Variants in GALC observed in about 807,000 individuals in gnomAD.
The protein encoded by GALC is galactosylceramidase, also known as galactocerebrosidase.
A neutral mutation model predicts 91.8 loss-of-function variants in GALC; 77 were observed. That is an observed-to-expected ratio of 0.84 (90% CI 0.70 to 1.01). The LOEUF is 1.01. Among genes scored for constraint, GALC ranks in the 50% least tolerant of loss-of-function variants. The pLI is 0.00. For synonymous variants in GALC, 357 were observed against 306.7 expected (o/e 1.16, Z -1.71); for missense variants, 882 against 855.9 (o/e 1.03, Z -0.38).
At chr14:87,993,360 T>C, upstream of GALC, 1 of 1,535,574 alleles carries the variant, frequency 6.5e-7, no homozygotes, top group Non-Finnish European at 8.7e-7. Context: ...TGTGGTCAGC[T>C]ACTGGATTTC....
Position 87,934,024 on chromosome 14 carries a change from A to G in GALC, c.*708T>C. 1 of 1,534,352 alleles carries G rather than the reference A, an allele frequency of 6.5e-7. No homozygotes were observed. The highest frequency in any genetic ancestry group is 1.2e-5 in the South Asian group (1 of 84,006). On this transcript the variant is annotated 3_prime_UTR_variant, in exon 17 of 17. Transcript: ENST00000261304. Reference sequence around the variant, plus strand: ...CCTGGAAAAACGTTCACAGAGAGTTATAGTGGTTACAAGACCAAAACTTGG... The same window carrying G: ...CCTGGAAAAACGTTCACAGAGAGTTGTAGTGGTTACAAGACCAAAACTTGG...
chr14:87,982,179 CA>C, intron 6 of GALC, 25 bp downstream of exon 6: 1 of 1,342,910 alleles, frequency 7.4e-7, no homozygotes, highest in South Asian at 1.2e-5. Context: ...AAGTTAAAAA[CA>C]AAAAGATACT....
At chr14:87,956,507 CATG>C (rs982811618) in intron 10 of GALC, among the ~76,000 whole-genome samples, 10 of 148,504 alleles carry the variant, frequency 6.7e-5, no homozygotes, top group East Asian at 1.9e-4. Context: ...AAGAGTATTT[CATG>C]ATGTGTGTGT....
chr14:87,958,743 A>G (rs1885669612), intron 10 of GALC, among the ~76,000 whole-genome samples: 1 of 151,942 alleles, frequency 6.6e-6, no homozygotes, highest in Non-Finnish European at 1.5e-5. Flanking sequence ...ACACGCTAGG[A>G]AAAAGGACAG....
intron 16 of GALC, among the ~76,000 whole-genome samples, chr14:87,936,252 C>G (rs79645689): frequency 6.6e-6 from 1 of 151,964 alleles, no homozygotes; most frequent in Non-Finnish European, 1.5e-5. Flanking sequence ...ATCAGGGTAA[C>G]AGAGCTACTT....
chr14:87,952,407 T>C (rs924431269), intron 10 of GALC: 5 of 412,958 alleles, frequency 1.2e-5, no homozygotes, highest in South Asian at 2.7e-5. Context: ...AGACTAATGT[T>C]GTTCTAAAAA....
chr14:87,956,685 A>T (rs559711597), intron 10 of GALC, among the ~76,000 whole-genome samples: 9 of 151,578 alleles, frequency 5.9e-5, no homozygotes, highest in Non-Finnish European at 1.0e-4. Flanking sequence ...ACTTAGGTTG[A>T]TTCCATATGT....
chr14:87,969,218 A>AT (rs1204190415), intron 7 of GALC, among the ~76,000 whole-genome samples: 3 of 152,164 alleles, frequency 2.0e-5, no homozygotes, highest in African/African-American at 7.2e-5. Context: ...GGGGTCAGGG[A>AT]TATTTGCTAC....
intron 5 of GALC, among the ~76,000 whole-genome samples, chr14:87,983,190 A>G (rs939008082): frequency 6.6e-6 from 1 of 151,978 alleles, no homozygotes; most frequent in African/African-American, 2.4e-5. Context: ...AGAAAAAAAA[A>G]CTAGCTGGGT....
chr14:87,953,208 T>C (rs1885383415), intron 10 of GALC: 1 of 1,501,536 alleles, frequency 6.7e-7, no homozygotes. Context: ...TGTCAACTGA[T>C]ACGGAATTTC....
At chr14:87,986,636 T>C (rs773400961) in intron 3 of GALC, 34 bp from the exon 4 acceptor site, 1 of 1,341,472 alleles carries the variant, frequency 7.5e-7, no homozygotes, top group South Asian at 1.2e-5. Context: ...GAAGTAATGA[T>C]CCATGAATGG....
intron 1 of GALC, chr14:87,992,388 G>A: frequency 2.0e-6 from 3 of 1,535,670 alleles, no homozygotes; most frequent in Non-Finnish European, 1.7e-6. Flanking sequence ...CTTTTAAAGA[G>A]ACCTTGAGGC....
At chr14:87,980,919 A>G (rs761669641) in intron 6 of GALC, among the ~76,000 whole-genome samples, 2 of 152,252 alleles carry the variant, frequency 1.3e-5, no homozygotes, top group African/African-American at 2.4e-5. Context: ...TTAAGAACAT[A>G]AAACATCCAA....
chr14:87,961,638 T>C (rs1885809383), intron 10 of GALC, among the ~76,000 whole-genome samples: 1 of 152,148 alleles, frequency 6.6e-6, no homozygotes, highest in Non-Finnish European at 1.5e-5. Context: ...CCTTCTCCTT[T>C]CTCCTCTGAA....
chr14:87,989,186 A>G (rs186411583), intron 1 of GALC, among the ~76,000 whole-genome samples: 3 of 152,330 alleles, frequency 2.0e-5, no homozygotes, highest in East Asian at 3.9e-4. Context: ...TAAGCAAAAA[A>G]TAAATAAAAA....
chr14:87,976,512 T>C (rs777298034), intron 6 of GALC, 24 bp from the exon 7 acceptor site: 3 of 1,587,116 alleles, frequency 1.9e-6, no homozygotes, highest in African/African-American at 2.7e-5. Flanking sequence ...AAACAGAACA[T>C]ATGAAAGGAT....
intron 3 of GALC, among the ~76,000 whole-genome samples, chr14:87,987,349 G>GA (rs1343148920): frequency 6.6e-6 from 1 of 152,234 alleles, no homozygotes; most frequent in Non-Finnish European, 1.5e-5. Context: ...TTCAGCAAGT[G>GA]AAATTAGTCC....
rs1162671660 is a variant in GALC, at chr14:87,934,877, C to A, written c.1913G>T (p.Gly638Val). Residue 638 changes from glycine (G) to valine (V), a missense_variant and splice_region_variant, in exon 17 of 17, where the codon GGT (glycine) becomes GTT (valine). Coordinates refer to ENST00000261304, the MANE Select transcript of GALC (RefSeq NM_000153.4). ...ATTCAGCATGCCAGAGGTGAAATGA[C>A]CCTAGAGTAGAAAGAAACACATTCC... ...KWYTLTLTIK[G>V]HFTSGMLNDK... 2 of 1,602,702 alleles carry A rather than the reference C, an allele frequency of 1.2e-6. No homozygotes were observed. Among genetic ancestry groups the A allele is most frequent in the Admixed American group, 1.7e-5 (1 of 59,792 alleles).
chr14:87,959,986 G>A (rs1023172949), intron 10 of GALC, among the ~76,000 whole-genome samples: 7 of 152,032 alleles, frequency 4.6e-5, no homozygotes, highest in African/African-American at 1.2e-4. Context: ...AACAAATGGA[G>A]GAATATGGAG....
Sources: gnomAD v4.1 joint callset for allele counts (sites outside exome capture counted in the v4.1 genomes callset) on GRCh38, gnomAD v4.1.1 for gene constraint, MANE v1.5 for transcripts, NCBI Gene and HGNC (gene_info 2026-07-23, HGNC 2026-07-21) for gene names.